The following HMCN1 variants were observed in gnomAD, a reference collection of about 807,000 sequenced individuals.
HMCN1 encodes hemicentin 1.
In HMCN1, 321 loss-of-function variants were observed where a neutral mutation model predicts 625.9. That is an observed-to-expected ratio of 0.51 (90% CI 0.47 to 0.56). The LOEUF (loss-of-function observed/expected upper bound fraction) is 0.56. Ranked by LOEUF, HMCN1 falls within the 20% of genes least tolerant of loss-of-function variation. HMCN1 has a pLI of 0.00. For missense variants in HMCN1, 6,588 were observed against 6,887.3 expected (o/e 0.96, Z 1.54); for synonymous variants, 2,425 against 2,417.6 (o/e 1.00, Z -0.09).
At position 186,048,826 on chromosome 1, in the gene HMCN1, T is replaced by G. The variant is rs1656752926; in HGVS notation, c.6564T>G (p.Asn2188Lys). 4.4e-6 allele frequency: 7 copies of G among 1,603,862 alleles called. No homozygotes were observed. Among genetic ancestry groups the G allele is most frequent in the African/African-American group, 1.3e-5 (1 of 74,642 alleles). ...CTGGAAAAACTGAAAAAAACTACAA[T>G]GTCAACATTTGGGGTAAGTGTAATC... Reference protein sequence around the residue: ...NVAGKTEKNYNVNIWVPPNIG... With the variant: ...NVAGKTEKNYKVNIWVPPNIG... Residue 2188 changes from asparagine to lysine, a missense_variant, in exon 42 of 107, where the codon AAT (asparagine) becomes AAG (lysine). Physicochemically the swap from Asn to Lys is moderately conservative, Grantham distance 94. This residue lies in a region of HMCN1 where 4,628 missense variants were observed against 4,853.1 expected (regional missense o/e 0.95). Transcript: ENST00000271588.
At chr1:185,957,345 T>G (rs1367817582) in intron 11 of HMCN1, among the ~76,000 whole-genome samples, 1 of 152,240 alleles carries the variant, frequency 6.6e-6, no homozygotes, top group Non-Finnish European at 1.5e-5. Context: ...CTAAAGCAAT[T>G]TGTCACTGTT....
At chr1:185,932,221 T>C (rs530613065) in intron 10 of HMCN1, among the ~76,000 whole-genome samples, 1 of 152,334 alleles carries the variant, frequency 6.6e-6, no homozygotes, top group East Asian at 1.9e-4. Context: ...TTAAACATTA[T>C]TTTTATAACT....
chr1:186,037,405 G>T (rs1334394264), intron 36 of HMCN1, among the ~76,000 whole-genome samples: 3 of 151,968 alleles, frequency 2.0e-5, no homozygotes, highest in Non-Finnish European at 4.4e-5. Context: ...AGTTGAAAAC[G>T]TACTTTTCTG....
intron 30 of HMCN1, 96 bp downstream of exon 30, chr1:186,007,378 A>C (rs1161856611): frequency 9.0e-7 from 1 of 1,116,828 alleles, no homozygotes; most frequent in East Asian, 2.4e-5. Flanking sequence ...CATACTGAAT[A>C]ATTTGGAATA....
At position 186,007,293 on chromosome 1, in the gene HMCN1, T is replaced by TTA; in HGVS notation, c.4630+12_4630+13insAT. 2 of 1,612,566 alleles carry TTA rather than the reference T, an allele frequency of 1.2e-6. No individual in the cohort carries two copies. The highest frequency in any genetic ancestry group is 1.7e-6 in the Non-Finnish European group (2 of 1,178,786). ...AACTGACTATCTATAGTAAGTGCGA[T>TTA]TGTCTTATGCTTTTTATTGTCTGCT... On this transcript the variant is annotated intron_variant, in intron 30 of 106. Transcript: ENST00000271588.
At chr1:185,837,405 TAG>T (rs1224063206) in intron 1 of HMCN1, among the ~76,000 whole-genome samples, 9 of 152,096 alleles carry the variant, frequency 5.9e-5, no homozygotes, top group African/African-American at 1.9e-4. Context: ...TATCTTTTTT[TAG>T]AGTTTTCCTT....
At chr1:185,880,270 G>T (rs1190145085) in intron 4 of HMCN1, among the ~76,000 whole-genome samples, 2 of 152,116 alleles carry the variant, frequency 1.3e-5, no homozygotes, top group Non-Finnish European at 2.9e-5. Context: ...TAAAAGCTCA[G>T]ATTGATGGAA....
rs80033652 is a variant in HMCN1, at chr1:186,048,688, A to T, written c.6481-55A>T. On this transcript the variant is annotated intron_variant, in intron 41 of 106. Coordinates refer to ENST00000271588, the MANE Select transcript of HMCN1 (RefSeq NM_031935.3). ...AAATAGATCACAAATAGTATTAATT[A>T]AAAAACCCCAAGTGAAATAGAAAGT... 1,872 of 1,058,842 alleles carry T rather than the reference A, an allele frequency of 1.8e-3. 27 individuals carry two copies. The African/African-American group carries it at 0.024, about 14-fold the overall frequency. The allele number at this position is 1,058,842 out of a possible 1,614,324, so 65.6% of individuals were successfully genotyped here. A position where few individuals can be genotyped will look rare whatever the true frequency, so the allele number is the denominator to read the frequency against.
At chr1:185,955,740 A>G (rs1393906398) in intron 11 of HMCN1, among the ~76,000 whole-genome samples, 1 of 152,110 alleles carries the variant, frequency 6.6e-6, no homozygotes, top group Non-Finnish European at 1.5e-5. Flanking sequence ...TGAACTTTTG[A>G]TGGCCACGGA....
intron 1 of HMCN1, among the ~76,000 whole-genome samples, chr1:185,735,484 A>G (rs940046694): frequency 6.6e-6 from 1 of 152,228 alleles, no homozygotes; most frequent in African/African-American, 2.4e-5. Context: ...TAAGAGGGGA[A>G]AAAACCTGTT....
intron 2 of HMCN1, among the ~76,000 whole-genome samples, chr1:185,861,397 G>T (rs1255079243): frequency 2.0e-5 from 3 of 152,164 alleles, no homozygotes; most frequent in African/African-American, 7.2e-5. Context: ...CCATGGAGTT[G>T]TATTGTGTAC....
chr1:186,000,370 G>T, intron 26 of HMCN1, 131 bp downstream of exon 26: 2 of 694,570 alleles, frequency 2.9e-6, no homozygotes, highest in East Asian at 2.7e-5. Flanking sequence ...AAATCTGGTG[G>T]TATGATTGCA....
intron 4 of HMCN1, among the ~76,000 whole-genome samples, chr1:185,909,069 A>T (rs1373151463): frequency 6.6e-6 from 1 of 152,000 alleles, no homozygotes; most frequent in African/African-American, 2.4e-5. Context: ...GTCTCCCCTC[A>T]CTGGTTTTGT....
At chr1:186,183,226 A>G (rs1390814595) in intron 105 of HMCN1, among the ~76,000 whole-genome samples, 1 of 152,200 alleles carries the variant, frequency 6.6e-6, no homozygotes, top group Non-Finnish European at 1.5e-5. Flanking sequence ...ATTTAGATTG[A>G]ATTTTTTTCT....
intron 11 of HMCN1, among the ~76,000 whole-genome samples, chr1:185,937,617 C>T (rs1415239547): frequency 2.0e-5 from 3 of 152,114 alleles, no homozygotes; most frequent in African/African-American, 7.2e-5. Flanking sequence ...CGCAGTGGCT[C>T]ACGCCTGTAA....
intron 97 of HMCN1, among the ~76,000 whole-genome samples, chr1:186,157,068 T>G (rs1440748637): frequency 2.0e-5 from 3 of 152,220 alleles, no homozygotes; most frequent in Non-Finnish European, 4.4e-5. Context: ...CAAGGGAACC[T>G]ATATTTTTAA....
intron 57 of HMCN1, among the ~76,000 whole-genome samples, chr1:186,084,348 G>A (rs1034169023): frequency 6.6e-6 from 1 of 152,110 alleles, no homozygotes; most frequent in African/African-American, 2.4e-5. Context: ...CCTGAAGTGG[G>A]ACAGTGACTT....
chr1:186,082,903 G>T lies in HMCN1; in HGVS notation c.8826G>T (p.Val2942=), dbSNP rs1380695711. 6.3e-7 allele frequency: 1 copy of T among 1,594,938 alleles called. No homozygotes were observed. The highest frequency in any genetic ancestry group is 8.6e-7 in the Non-Finnish European group (1 of 1,169,574). Residue 2942 remains valine (V), a synonymous_variant, in exon 57 of 107, where the codon GTG becomes GTT. Coordinates refer to ENST00000271588, the MANE Select transcript of HMCN1 (RefSeq NM_031935.3). ...AAATAACAGATATCGGCAGGTATGT[G>T]TGTGTTGCTGAGAACACAGCTGGGA... The part of the protein sequence containing the change: ...NTQITDIGRY[V]CVAENTAGSA...
At chr1:186,175,712 A>G (rs980630279) in intron 103 of HMCN1, among the ~76,000 whole-genome samples, 1 of 151,966 alleles carries the variant, frequency 6.6e-6, no homozygotes, top group African/African-American at 2.4e-5. Context: ...ATGCAGAACC[A>G]TTGCCTCAAT....
Sources: allele counts gnomAD v4.1 joint callset (sites outside exome capture counted in the v4.1 genomes callset), GRCh38; gene constraint gnomAD v4.1.1; regional missense constraint gnomAD v4.1.1; transcripts MANE v1.5; gene names NCBI Gene and HGNC (gene_info 2026-07-23, HGNC 2026-07-21).